The following GRIA4 variants were observed in gnomAD, a reference collection of about 807,000 sequenced individuals.
The protein encoded by GRIA4 is glutamate receptor 4.
GRIA4 carries 34 observed loss-of-function variants against 104.0 expected under a neutral mutation model. The observed-to-expected ratio is 0.33, with a 90% CI of 0.25 to 0.44. GRIA4 has a LOEUF of 0.44. GRIA4 is among the 20% of genes least tolerant of loss of function. The pLI is 1.00. For synonymous variants in GRIA4, 386 were observed against 381.9 expected (o/e 1.01, Z -0.13); for missense variants, 750 against 1,096.5 (o/e 0.68, Z 4.46).
chr11:105,713,975 T>C (rs1463685478), intron 3 of GRIA4, among the ~76,000 whole-genome samples: 1 of 152,130 alleles, frequency 6.6e-6, no homozygotes, highest in East Asian at 1.9e-4. Flanking sequence ...TTTTGTTTGT[T>C]ACCACAATAA....
intron 5 of GRIA4, among the ~76,000 whole-genome samples, chr11:105,864,652 C>A (rs1013265390): frequency 2.0e-5 from 3 of 152,102 alleles, no homozygotes; most frequent in African/African-American, 7.2e-5. Context: ...AGGTGGATCA[C>A]CTGAGGTCGG....
intron 3 of GRIA4, among the ~76,000 whole-genome samples, chr11:105,748,983 C>T (rs771672402): frequency 3.3e-5 from 5 of 151,912 alleles, no homozygotes; most frequent in Admixed American, 2.6e-4. Context: ...GATGATTTCA[C>T]GCAGGAAATA....
At chr11:105,861,981 G>A in intron 4 of GRIA4, 43 bp from the exon 5 acceptor site, 2 of 1,200,078 alleles carry the variant, frequency 1.7e-6, no homozygotes, top group Non-Finnish European at 2.5e-6. Context: ...TCATTAAAGG[G>A]GAGTAAAAGC....
At chr11:105,740,083 A>G (rs976155083) in intron 3 of GRIA4, among the ~76,000 whole-genome samples, 6 of 152,176 alleles carry the variant, frequency 3.9e-5, no homozygotes, top group African/African-American at 1.2e-4. Context: ...TGACAACATA[A>G]CATCACCCTG....
At chr11:105,976,126 G>A (rs1018582542) in intron 16 of GRIA4, among the ~76,000 whole-genome samples, 2 of 151,990 alleles carry the variant, frequency 1.3e-5, no homozygotes, top group South Asian at 4.1e-4. Flanking sequence ...AGTTTTCAGA[G>A]CCAATTATTT....
intron 3 of GRIA4, among the ~76,000 whole-genome samples, chr11:105,690,431 T>C (rs1344630313): frequency 6.6e-6 from 1 of 152,246 alleles, no homozygotes; most frequent in East Asian, 1.9e-4. Context: ...ATTTGCTGTG[T>C]ATGGCTTAAC....
chr11:105,679,476 A>C (rs1952642262), intron 3 of GRIA4, among the ~76,000 whole-genome samples: 1 of 152,162 alleles, frequency 6.6e-6, no homozygotes, highest in African/African-American at 2.4e-5. Context: ...GCAATAACAA[A>C]GCCATACTTT....
intron 3 of GRIA4, among the ~76,000 whole-genome samples, chr11:105,689,071 G>C (rs558225671): frequency 2.6e-4 from 39 of 152,220 alleles, no homozygotes; most frequent in Middle Eastern, 3.4e-3. Flanking sequence ...TTTACATTTA[G>C]TCCTAAAAAT....
At chr11:105,755,818 C>A (rs1051061366) in intron 4 of GRIA4, among the ~76,000 whole-genome samples, 2 of 152,134 alleles carry the variant, frequency 1.3e-5, no homozygotes, top group African/African-American at 4.8e-5. Flanking sequence ...GCTGGATCAT[C>A]CATCTTCTGC....
At chr11:105,673,918 G>A (rs1426186946) in intron 3 of GRIA4, among the ~76,000 whole-genome samples, 4 of 151,932 alleles carry the variant, frequency 2.6e-5, no homozygotes, top group African/African-American at 9.7e-5. Context: ...TAGATTCAAA[G>A]TCAAGGAGAA....
chr11:105,789,643 A>T (rs117676143), intron 4 of GRIA4, among the ~76,000 whole-genome samples: 4,047 of 152,194 alleles, frequency 0.027, 93 homozygotes, highest in Non-Finnish European at 0.039. Context: ...TTTCAGCTGG[A>T]AAGTTATTAG....
chr11:105,710,303 C>T (rs1953865715), intron 3 of GRIA4, among the ~76,000 whole-genome samples: 1 of 152,044 alleles, frequency 6.6e-6, no homozygotes, highest in Admixed American at 6.6e-5. Flanking sequence ...ACTTCATAGG[C>T]TATCTCTTTG....
intron 14 of GRIA4, among the ~76,000 whole-genome samples, chr11:105,957,999 A>G (rs1454813652): frequency 6.6e-6 from 1 of 152,218 alleles, no homozygotes; most frequent in Non-Finnish European, 1.5e-5. Context: ...TATCAGCTTA[A>G]GGAGATTTTG....
Position 105,794,483 on chromosome 11 carries a change from A to G in GRIA4, c.487+41263A>G, listed in dbSNP as rs1465363680. On this transcript the variant is annotated intron_variant, in intron 4 of 16. Coordinates refer to ENST00000282499, the MANE Select transcript of GRIA4 (RefSeq NM_000829.4). ...TGTGTGTATATGTATGTATATATAT[A>G]TATATATATATATATATATATATAT... Among the ~76,000 whole-genome samples, 9 of 103,660 alleles carry G rather than the reference A, an allele frequency of 8.7e-5. 1 individual carries two copies. The highest frequency in any genetic ancestry group is 2.7e-4 in the East Asian group (1 of 3,658). 68.0% of individuals were successfully genotyped at this position (103,660 alleles called of 152,430 possible). A position where few individuals can be genotyped will look rare whatever the true frequency, so the allele number is the denominator to read the frequency against.
chr11:105,938,101 A>G (rs1948093179), intron 14 of GRIA4, among the ~76,000 whole-genome samples: 1 of 152,226 alleles, frequency 6.6e-6, no homozygotes, highest in Non-Finnish European at 1.5e-5. Flanking sequence ...CATTGGAGTG[A>G]GTAGAGTTCT....
intron 5 of GRIA4, among the ~76,000 whole-genome samples, chr11:105,865,573 C>T (rs938204334): frequency 6.6e-6 from 1 of 152,096 alleles, no homozygotes; most frequent in East Asian, 1.9e-4. Flanking sequence ...TGTAGAACAG[C>T]TTGCAATAGC....
chr11:105,655,036 A>G (rs914982881), intron 3 of GRIA4, among the ~76,000 whole-genome samples: 6 of 152,182 alleles, frequency 3.9e-5, no homozygotes, highest in Non-Finnish European at 8.8e-5. Context: ...CAGGAGAAGG[A>G]AAACCTTGTA....
intron 4 of GRIA4, among the ~76,000 whole-genome samples, chr11:105,767,011 T>C (rs943301479): frequency 1.3e-5 from 2 of 152,204 alleles, no homozygotes; most frequent in Non-Finnish European, 2.9e-5. Context: ...CCTTCACTTA[T>C]TTAAGGTAGG....
intron 4 of GRIA4, among the ~76,000 whole-genome samples, chr11:105,760,455 A>AT (rs1940562369): frequency 6.6e-6 from 1 of 151,884 alleles, no homozygotes; most frequent in Non-Finnish European, 1.5e-5. Context: ...TCTGATAATA[A>AT]TTTTTTTCTT....
Sources: gnomAD v4.1 joint callset for allele counts (sites outside exome capture counted in the v4.1 genomes callset) on GRCh38, gnomAD v4.1.1 for gene constraint, MANE v1.5 for transcripts, NCBI Gene and HGNC (gene_info 2026-07-23, HGNC 2026-07-21) for gene names.